Variants in HDAC4 observed in about 807,000 individuals in gnomAD.
HDAC4 encodes histone deacetylase 4, also known as histone deacetylase A.
A neutral mutation model predicts 135.1 loss-of-function variants in HDAC4; 16 were observed. The observed-to-expected ratio is 0.12, with a 90% CI of 0.08 to 0.18. The LOEUF (loss-of-function observed/expected upper bound fraction) is 0.18, where lower values mean the gene tolerates loss of function less well. Ranked by LOEUF, HDAC4 falls within the 10% of genes least tolerant of loss-of-function variation. The pLI is 1.00. For synonymous variants in HDAC4, 685 were observed against 653.4 expected, an observed-to-expected ratio of 1.05 and a Z score of -0.74; for missense variants, 1,143 against 1,511.8, an observed-to-expected ratio of 0.76 and a Z score of 4.05.
At chr2:239,168,635 G>C (rs1303817717) in intron 5 of HDAC4, among the ~76,000 whole-genome samples, 1 of 152,112 alleles carries the variant, frequency 6.6e-6, no homozygotes, top group East Asian at 1.9e-4. Context: ...GCGGTGCTTC[G>C]TGTCCCCCGC....
chr2:239,337,400 C>A (rs1333505828), intron 2 of HDAC4, among the ~76,000 whole-genome samples: 1 of 152,162 alleles, frequency 6.6e-6, no homozygotes, highest in African/African-American at 2.4e-5. Flanking sequence ...CGCACCAATA[C>A]AAGCTCCATT....
At chr2:239,108,441 G>A (rs896198976) in intron 14 of HDAC4, among the ~76,000 whole-genome samples, 1 of 152,214 alleles carries the variant, frequency 6.6e-6, no homozygotes, top group African/African-American at 2.4e-5. Flanking sequence ...CCAGGACCCA[G>A]GCAGGGACGT....
At position 239,335,898 on chromosome 2, in the gene HDAC4, T is replaced by C. The variant is rs910037551; in HGVS notation, c.22+16780A>G. Among the ~76,000 whole-genome samples the C allele has an allele frequency of 3.9e-5, 6 of 152,188 alleles. No homozygotes were observed. The East Asian group carries it at 7.7e-4, about 20-fold the overall frequency. On this transcript the variant is annotated intron_variant, in intron 2 of 26. Coordinates refer to ENST00000543185, the MANE Select transcript of HDAC4 (RefSeq NM_001378414.1). ...GCACACATACACCTTATCAAAAGAA[T>C]TGCATACTTATATGAACCAATTGAA...
Position 239,176,298 on chromosome 2 carries a change from CCTCTGCCCGGCCTTCTGCGCCCG to C in HDAC4, c.490+92_490+114del. 14 of 1,246,616 alleles carry C rather than the reference CCTCTGCCCGGCCTTCTGCGCCCG, an allele frequency of 1.1e-5. 1 individual carries two copies. The highest frequency in any genetic ancestry group is 7.6e-5 in the Admixed American group (3 of 39,568). 77.2% of individuals were successfully genotyped at this position (1,246,616 alleles called of 1,614,324 possible). A position where few individuals can be genotyped will look rare whatever the true frequency, so the allele number is the denominator to read the frequency against. ...TCCCTCCCTCTGCCCGGCCTCCCTC[CCTCTGCCCGGCCTTCTGCGCCCG>C]CACTCCCTCCCTCTGCCCAGCCTTC... On this transcript the variant is annotated intron_variant, in intron 5 of 26. Coordinates refer to ENST00000543185, the MANE Select transcript of HDAC4 (RefSeq NM_001378414.1).
intron 6 of HDAC4, among the ~76,000 whole-genome samples, chr2:239,156,977 C>A (rs1398039733): frequency 6.6e-6 from 1 of 152,250 alleles, no homozygotes; most frequent in Non-Finnish European, 1.5e-5. Flanking sequence ...ATGCCCACAT[C>A]CTCCTCTGCG....
chr2:239,238,526 G>A (rs569812758), intron 2 of HDAC4, among the ~76,000 whole-genome samples: 3 of 152,056 alleles, frequency 2.0e-5, no homozygotes, highest in Non-Finnish European at 4.4e-5. Flanking sequence ...TCAGCTCAAC[G>A]CCCAACCTTA....
intron 3 of HDAC4, among the ~76,000 whole-genome samples, chr2:239,194,937 G>T (rs1015562824): frequency 6.6e-6 from 1 of 152,220 alleles, no homozygotes; most frequent in Non-Finnish European, 1.5e-5. Flanking sequence ...TCGCAGATCT[G>T]TGTCTCCAGC....
chr2:239,213,381 C>T (rs745981151), intron 3 of HDAC4, among the ~76,000 whole-genome samples: 11 of 152,200 alleles, frequency 7.2e-5, no homozygotes, highest in Non-Finnish European at 1.6e-4. Flanking sequence ...GCGGTGCCCG[C>T]GCCCCTCATT....
intron 1 of HDAC4, among the ~76,000 whole-genome samples, chr2:239,375,503 C>T (rs1472436093): frequency 6.6e-6 from 1 of 152,192 alleles, no homozygotes; most frequent in Non-Finnish European, 1.5e-5. Flanking sequence ...GCAGATTCAG[C>T]CCCACCAGGG....
At chr2:239,361,142 G>C (rs72994567) in intron 1 of HDAC4, among the ~76,000 whole-genome samples, 1 of 151,700 alleles carries the variant, frequency 6.6e-6, no homozygotes, top group Non-Finnish European at 1.5e-5. Context: ...ATTATCTGTC[G>C]GCCCCTCTGC....
chr2:239,386,620 T>G (rs1256974834), intron 1 of HDAC4, among the ~76,000 whole-genome samples: 4 of 152,170 alleles, frequency 2.6e-5, no homozygotes, highest in Non-Finnish European at 5.9e-5. Flanking sequence ...GCCTGAAATT[T>G]AACAATGTAA....
At chr2:239,053,280 G>A in intron 26 of HDAC4, 144 bp from the exon 27 acceptor site, 16 of 1,326,792 alleles carry the variant, frequency 1.2e-5, no homozygotes, top group Non-Finnish European at 1.6e-5. Context: ...ATCTGTTCAG[G>A]ATCTAATGCT....
In HDAC4 at chr2:239,308,681, C is replaced by T. The variant is rs114667864; in HGVS notation, c.22+43997G>A. On this transcript the variant is annotated intron_variant, in intron 2 of 26. Transcript: ENST00000543185. This position sits in a 1 kb window ranked among gnomAD's most constrained non-coding sequence, Gnocchi z 4.2. ...GTTAACAGGCCTCCGGGTGTCCCCC[C>T]CTTCCAGCCCAGTGCAGGGGTTCAG... 3.9e-5 allele frequency among the ~76,000 whole-genome samples: 6 copies of T among 152,152 alleles called. No individual in the cohort carries two copies. Among genetic ancestry groups the T allele is most frequent in the African/African-American group, 7.2e-5 (3 of 41,430 alleles).
chr2:239,219,266 A>G (rs1020330386), intron 3 of HDAC4, among the ~76,000 whole-genome samples: 14 of 151,974 alleles, frequency 9.2e-5, no homozygotes, highest in Non-Finnish European at 1.8e-4. Flanking sequence ...TGGCACATAT[A>G]CACCATGGAA....
chr2:239,074,104 C>G (rs1559375002), intron 22 of HDAC4, among the ~76,000 whole-genome samples: 1 of 152,142 alleles, frequency 6.6e-6, no homozygotes, highest in Non-Finnish European at 1.5e-5. Context: ...GGCCGCAGGA[C>G]TGAGGGGGCC....
intron 13 of HDAC4, 23 bp from the exon 14 acceptor site, chr2:239,111,735 T>C (rs758943070): frequency 3.2e-6 from 5 of 1,573,766 alleles, no homozygotes; most frequent in Middle Eastern, 1.7e-4. Flanking sequence ...AACGGCCGTG[T>C]TGGCGGTTGC....
In HDAC4 at chr2:239,307,128, T is replaced by C. The variant is rs996587883; in HGVS notation, c.22+45550A>G. Reference sequence around the variant, plus strand: ...AGGCCACACCCTCCAGCTCTGTGCCTGCCGTCCATCCTGGGTGCCCACGAG... The same window carrying C: ...AGGCCACACCCTCCAGCTCTGTGCCCGCCGTCCATCCTGGGTGCCCACGAG... On this transcript the variant is annotated intron_variant, in intron 2 of 26. Coordinates refer to ENST00000543185, the MANE Select transcript of HDAC4 (RefSeq NM_001378414.1). The surrounding 1 kb of genome is among the most constrained non-coding windows in gnomAD (Gnocchi z 4.8). 3.9e-5 allele frequency among the ~76,000 whole-genome samples: 6 copies of C among 152,020 alleles called. No individual in the cohort carries two copies. The highest frequency in any genetic ancestry group is 2.6e-4 in the Admixed American group (4 of 15,276).
chr2:239,246,220 G>C (rs575265817), intron 2 of HDAC4, among the ~76,000 whole-genome samples: 8 of 152,170 alleles, frequency 5.3e-5, no homozygotes, highest in African/African-American at 1.9e-4. Flanking sequence ...AGGCAAACGC[G>C]GGCAGGAGTG....
At chr2:239,253,313 C>G (rs1192986742) in intron 2 of HDAC4, among the ~76,000 whole-genome samples, 1 of 152,246 alleles carries the variant, frequency 6.6e-6, no homozygotes, top group African/African-American at 2.4e-5. Flanking sequence ...AAGTCCCACA[C>G]TTGGGCATGA....
Sources: gnomAD v4.1 joint callset for allele counts (sites outside exome capture counted in the v4.1 genomes callset) on GRCh38, gnomAD v4.1.1 for gene constraint, Gnocchi (gnomAD v3.1) non-coding constraint, MANE v1.5 for transcripts, NCBI Gene and HGNC (gene_info 2026-07-23, HGNC 2026-07-21) for gene names.